Variants in GMDS observed in about 807,000 individuals in gnomAD.
GMDS encodes GDP-mannose 4,6 dehydratase.
GMDS carries 20 observed loss-of-function variants against 49.9 expected under a neutral mutation model. That is an observed-to-expected ratio of 0.40 (90% CI 0.28 to 0.58). The LOEUF (loss-of-function observed/expected upper bound fraction) is 0.58, where lower values mean the gene tolerates loss of function less well. Ranked by LOEUF, GMDS falls within the 20% of genes least tolerant of loss-of-function variation. The probability of loss-of-function intolerance (pLI) is 0.42; values close to 1 mark genes in which losing one functional copy is unlikely to be tolerated. For missense variants in GMDS, 362 were observed against 481.4 expected, an observed-to-expected ratio of 0.75 and a Z score of 2.32; for synonymous variants, 177 against 178.6, an observed-to-expected ratio of 0.99 and a Z score of 0.07.
chr6:1,704,776 C>G (rs1281092619), intron 9 of GMDS, among the ~76,000 whole-genome samples: 2 of 150,234 alleles, frequency 1.3e-5, no homozygotes, highest in Non-Finnish European at 2.9e-5. Flanking sequence ...TCCCTGCCTG[C>G]GTGGAGCTTG....
At chr6:2,085,784 T>C (rs1772978035) in intron 4 of GMDS, among the ~76,000 whole-genome samples, 1 of 152,132 alleles carries the variant, frequency 6.6e-6, no homozygotes, top group South Asian at 2.1e-4. Flanking sequence ...TGCCTCGGCT[T>C]CCCAAAGTGC....
intron 7 of GMDS, among the ~76,000 whole-genome samples, chr6:1,849,881 G>T (rs929180727): frequency 3.9e-5 from 6 of 152,082 alleles, no homozygotes; most frequent in African/African-American, 1.4e-4. Context: ...AAACCCTTTC[G>T]TGGAGCTAGA....
chr6:2,220,432 A>G (rs1780532408), intron 1 of GMDS, among the ~76,000 whole-genome samples: 1 of 152,192 alleles, frequency 6.6e-6, no homozygotes, highest in South Asian at 2.1e-4. Flanking sequence ...ATGGCATGTC[A>G]TATTTTTTAC....
At chr6:2,064,803 C>T (rs1340870769) in intron 4 of GMDS, among the ~76,000 whole-genome samples, 1 of 152,106 alleles carries the variant, frequency 6.6e-6, no homozygotes, top group Non-Finnish European at 1.5e-5. Flanking sequence ...TTGGGGATGC[C>T]ACAATAGACC....
chr6:1,797,323 A>T (rs1246814405), intron 7 of GMDS, among the ~76,000 whole-genome samples: 2 of 152,230 alleles, frequency 1.3e-5, no homozygotes, highest in Non-Finnish European at 2.9e-5. Context: ...CTGGCCTGCT[A>T]TAAGCACAGG....
At chr6:2,213,781 G>C (rs757075792) in intron 1 of GMDS, among the ~76,000 whole-genome samples, 3 of 152,128 alleles carry the variant, frequency 2.0e-5, no homozygotes, top group Non-Finnish European at 2.9e-5. Flanking sequence ...TCAAGCTTAA[G>C]GGGGAGAAGG....
At chr6:2,209,537 T>C (rs564517971) in intron 1 of GMDS, among the ~76,000 whole-genome samples, 18 of 151,638 alleles carry the variant, frequency 1.2e-4, no homozygotes, top group African/African-American at 3.6e-4. Context: ...TTGCATGTAA[T>C]GTATCTCTAA....
At chr6:1,743,076 A>C (rs1466260679) in intron 7 of GMDS, among the ~76,000 whole-genome samples, 3 of 152,252 alleles carry the variant, frequency 2.0e-5, no homozygotes, top group African/African-American at 7.2e-5. Flanking sequence ...TTTTTGAACA[A>C]TAAAGTTGAG....
At chr6:1,669,390 A>G (rs1315275995) in intron 9 of GMDS, among the ~76,000 whole-genome samples, 1 of 152,232 alleles carries the variant, frequency 6.6e-6, no homozygotes, top group African/African-American at 2.4e-5. Context: ...ACACTTCAGA[A>G]TCAGTCATCT....
chr6:1,626,469 T>G (rs1762851550), intron 9 of GMDS, among the ~76,000 whole-genome samples: 1 of 152,214 alleles, frequency 6.6e-6, no homozygotes, highest in Non-Finnish European at 1.5e-5. Flanking sequence ...TTCCCCTCCC[T>G]AAATAAACTT....
intron 7 of GMDS, among the ~76,000 whole-genome samples, chr6:1,753,185 G>A (rs1464504030): frequency 1.3e-5 from 2 of 152,098 alleles, no homozygotes; most frequent in African/African-American, 2.4e-5. Context: ...AAGGGATGGA[G>A]GAATATTTAC....
chr6:2,162,240 T>C (rs1777438051), intron 1 of GMDS, among the ~76,000 whole-genome samples: 1 of 152,208 alleles, frequency 6.6e-6, no homozygotes, highest in Non-Finnish European at 1.5e-5. Context: ...GTTCTAATCA[T>C]GCTTCTGCCC....
At chr6:2,055,025 A>G (rs1562010771) in intron 4 of GMDS, among the ~76,000 whole-genome samples, 1 of 152,104 alleles carries the variant, frequency 6.6e-6, no homozygotes, top group Non-Finnish European at 1.5e-5. Context: ...ATCTAATAAA[A>G]ATTCTAAAAC....
At chr6:1,670,036 T>C (rs1048763726) in intron 9 of GMDS, among the ~76,000 whole-genome samples, 8 of 150,524 alleles carry the variant, frequency 5.3e-5, no homozygotes, top group African/African-American at 1.7e-4. Context: ...GTGGGCTCCA[T>C]AGGAACATCT....
chr6:1,744,520 T>G (rs996299338), intron 7 of GMDS, among the ~76,000 whole-genome samples: 7 of 152,138 alleles, frequency 4.6e-5, no homozygotes, highest in Non-Finnish European at 8.8e-5. Flanking sequence ...TTGTTCACTG[T>G]TTTGGGATAG....
intron 1 of GMDS, among the ~76,000 whole-genome samples, chr6:2,155,418 C>T (rs953576511): frequency 5.9e-5 from 9 of 152,032 alleles, no homozygotes; most frequent in Non-Finnish European, 1.3e-4. Flanking sequence ...AGGTAATTAC[C>T]ATTTGGGTGG....
intron 4 of GMDS, among the ~76,000 whole-genome samples, chr6:1,961,486 A>T (rs1042723398): frequency 6.6e-6 from 1 of 152,196 alleles, no homozygotes; most frequent in African/African-American, 2.4e-5. Context: ...ACGAATGCAT[A>T]ATCTTTTTTT....
At chr6:2,196,453 A>G (rs1235282678) in intron 1 of GMDS, among the ~76,000 whole-genome samples, 1 of 152,240 alleles carries the variant, frequency 6.6e-6, no homozygotes, top group Admixed American at 6.5e-5. Context: ...GTTGCTAAGT[A>G]CAGAAGGCAC....
intron 4 of GMDS, among the ~76,000 whole-genome samples, chr6:1,964,046 G>A (rs532355773): frequency 3.7e-4 from 57 of 152,262 alleles, no homozygotes; most frequent in African/African-American, 1.4e-3. Context: ...CTCCGTGAGG[G>A]TCTCATAAAA....
Sources: gnomAD v4.1 joint callset for allele counts (sites outside exome capture counted in the v4.1 genomes callset) on GRCh38, gnomAD v4.1.1 for gene constraint, MANE v1.5 for transcripts, NCBI Gene and HGNC (gene_info 2026-07-23, HGNC 2026-07-21) for gene names.